The following CD2AP variants were observed in gnomAD, a reference collection of about 807,000 sequenced individuals.
CD2AP encodes the protein CD2 associated protein, also known as CD2-associated protein.
Under a neutral mutation model 85.1 loss-of-function variants are expected in CD2AP, and 46 were observed. That is an observed-to-expected ratio of 0.54 (90% confidence interval 0.43 to 0.69). The LOEUF (loss-of-function observed/expected upper bound fraction) is 0.69. Among genes scored for constraint, CD2AP ranks in the 30% least tolerant of loss-of-function variants. The pLI, the probability that CD2AP is intolerant of heterozygous loss-of-function variation, is 0.00. For synonymous variants in CD2AP, 255 were observed against 252.9 expected (o/e 1.01, Z -0.08); for missense variants, 769 against 729.5 (o/e 1.05, Z -0.62).
chr6:47,612,135 CA>C (rs1183848754), intron 16 of CD2AP, among the ~76,000 whole-genome samples: 1 of 151,960 alleles, frequency 6.6e-6, no homozygotes, highest in Non-Finnish European at 1.5e-5. Flanking sequence ...TTCATTTTAC[CA>C]AATTGCTTGG....
intron 16 of CD2AP, among the ~76,000 whole-genome samples, chr6:47,610,211 G>A (rs1025534831): frequency 6.6e-6 from 1 of 151,982 alleles, no homozygotes; most frequent in Non-Finnish European, 1.5e-5. Flanking sequence ...ATTATCTGTT[G>A]GTTTAGAGAT....
chr6:47,612,697 C>G (rs1247921062), intron 17 of CD2AP, among the ~76,000 whole-genome samples, 161 bp downstream of exon 17: 1 of 152,052 alleles, frequency 6.6e-6, no homozygotes, highest in Non-Finnish European at 1.5e-5. Flanking sequence ...AGAATGAGAT[C>G]CTGTCATTTG....
At chr6:47,537,786 A>G (rs1485001159) in intron 3 of CD2AP, among the ~76,000 whole-genome samples, 1 of 151,956 alleles carries the variant, frequency 6.6e-6, no homozygotes, top group East Asian at 1.9e-4. Flanking sequence ...TTTTATTGCT[A>G]AGGATGAGAA....
intron 1 of CD2AP, among the ~76,000 whole-genome samples, chr6:47,497,144 C>CA (rs201490626): frequency 7.8e-6 from 1 of 129,008 alleles, no homozygotes; most frequent in Non-Finnish European, 1.8e-5. Flanking sequence ...ATGACCATGT[C>CA]GTGTTTTTTT....
At chr6:47,532,814 T>G (rs1766923658) in intron 2 of CD2AP, among the ~76,000 whole-genome samples, 1 of 152,238 alleles carries the variant, frequency 6.6e-6, no homozygotes, top group African/African-American at 2.4e-5. Flanking sequence ...CATTGATATA[T>G]TACATCAATT....
intron 2 of CD2AP, among the ~76,000 whole-genome samples, chr6:47,531,712 G>A (rs1038702610): frequency 5.3e-5 from 8 of 152,038 alleles, no homozygotes; most frequent in African/African-American, 1.9e-4. Flanking sequence ...GTACATAATA[G>A]TTATTTTGCA....
intron 2 of CD2AP, among the ~76,000 whole-genome samples, chr6:47,520,080 C>A (rs909488080): frequency 6.6e-6 from 1 of 151,662 alleles, no homozygotes; most frequent in Non-Finnish European, 1.5e-5. Flanking sequence ...GAAAAATGAC[C>A]TGTGGAAATG....
chr6:47,588,534 T>G (rs1408265444), intron 11 of CD2AP, among the ~76,000 whole-genome samples: 1 of 152,024 alleles, frequency 6.6e-6, no homozygotes, highest in Non-Finnish European at 1.5e-5. Context: ...GTGTGGATAG[T>G]GGAAGGTGGT....
chr6:47,521,630 T>G (rs1330157491), intron 2 of CD2AP, among the ~76,000 whole-genome samples: 2 of 152,188 alleles, frequency 1.3e-5, no homozygotes, highest in African/African-American at 4.8e-5. Flanking sequence ...AAATATTAGT[T>G]GCCATTAAAA....
chr6:47,559,707 T>C (rs1670571666), intron 5 of CD2AP, among the ~76,000 whole-genome samples: 1 of 152,240 alleles, frequency 6.6e-6, no homozygotes, highest in South Asian at 2.1e-4. Flanking sequence ...TTAGACTTTA[T>C]TAAGCTCCTT....
intron 5 of CD2AP, among the ~76,000 whole-genome samples, chr6:47,560,417 A>G (rs1767825671): frequency 6.6e-6 from 1 of 151,996 alleles, no homozygotes; most frequent in Admixed American, 6.5e-5. Context: ...CCCAGTCCTG[A>G]AAAGGATTAT....
At chr6:47,612,449 C>A in intron 16 of CD2AP, 24 bp from the exon 17 acceptor site, 1 of 1,466,988 alleles carries the variant, frequency 6.8e-7, no homozygotes, top group Non-Finnish European at 9.5e-7. Context: ...AAAGACTTAA[C>A]AGTAATAAGT....
chr6:47,573,478 CTG>C (rs1405502544), intron 5 of CD2AP, among the ~76,000 whole-genome samples: 22 of 141,656 alleles, frequency 1.6e-4, no homozygotes, highest in Non-Finnish European at 2.1e-4. Flanking sequence ...AATTGACATG[CTG>C]TGTGTTTTTT....
chr6:47,544,946 G>A (rs1767327076), intron 4 of CD2AP: 4 of 378,252 alleles, frequency 1.1e-5, no homozygotes, highest in South Asian at 8.5e-5. Context: ...AGTTAAGAAC[G>A]TAAACAAGCC....
At chr6:47,609,400 G>A in intron 16 of CD2AP, 96 bp downstream of exon 16, 1 of 1,039,278 alleles carries the variant, frequency 9.6e-7, no homozygotes, top group Non-Finnish European at 1.5e-6. Context: ...TCTGTGGCTG[G>A]GTGTGGTAGT....
chr6:47,493,947 A>AT (rs796651064), intron 1 of CD2AP, among the ~76,000 whole-genome samples: 5 of 151,790 alleles, frequency 3.3e-5, no homozygotes, highest in East Asian at 3.9e-4. Context: ...TACCATATCC[A>AT]TTTTTTTCTT....
At chr6:47,599,934 T>A (rs1211745278) in intron 13 of CD2AP, among the ~76,000 whole-genome samples, 1 of 151,820 alleles carries the variant, frequency 6.6e-6, no homozygotes, top group African/African-American at 2.4e-5. Context: ...TTAGGACTGG[T>A]TTTTCAGCTT....
chr6:47,588,546 T>C (rs901800261), intron 11 of CD2AP, among the ~76,000 whole-genome samples: 6 of 152,090 alleles, frequency 3.9e-5, no homozygotes, highest in Non-Finnish European at 7.4e-5. Flanking sequence ...GAAGGTGGTA[T>C]GGGTAAAAGG....
At chr6:47,489,972 T>TG (rs532959271) in intron 1 of CD2AP, among the ~76,000 whole-genome samples, 146 of 30,922 alleles carry the variant, frequency 4.7e-3, no homozygotes, top group Non-Finnish European at 9.2e-3. Context: ...AGAGACTTTT[T>TG]TTTTTTTTTT....
Sources: allele counts gnomAD v4.1 joint callset (sites outside exome capture counted in the v4.1 genomes callset), GRCh38; gene constraint gnomAD v4.1.1; transcripts MANE v1.5; gene names NCBI Gene and HGNC (gene_info 2026-07-23, HGNC 2026-07-21).